PRKN: variants seen among roughly 807,000 people sequenced by gnomAD.
PRKN encodes E3 ubiquitin-protein ligase parkin.
Under a neutral mutation model 59.5 loss-of-function variants are expected in PRKN, and 56 were observed. The ratio of observed to expected loss-of-function variants is 0.94; its 90% CI spans 0.76 to 1.18. The LOEUF is 1.18. Ranked by LOEUF, PRKN falls within the 50% of genes most tolerant of loss-of-function variation. PRKN has a pLI of 0.00. For missense variants in PRKN, 657 were observed against 596.4 expected (o/e 1.10, Z -1.06); for synonymous variants, 250 against 222.1 (o/e 1.13, Z -1.12).
chr6:162,594,660 T>C (rs905838481), intron 1 of PRKN, among the ~76,000 whole-genome samples: 1 of 151,866 alleles, frequency 6.6e-6, no homozygotes, highest in African/African-American at 2.4e-5. Context: ...GAAATGAATA[T>C]GTCATCCAAG....
chr6:162,307,952 G>T (rs1160066395), intron 2 of PRKN, among the ~76,000 whole-genome samples: 1 of 152,222 alleles, frequency 6.6e-6, no homozygotes. Context: ...TGAAATATTT[G>T]TCAAGCTGGT....
At chr6:161,884,235 C>T (rs918603075) in intron 6 of PRKN, among the ~76,000 whole-genome samples, 1 of 152,128 alleles carries the variant, frequency 6.6e-6, no homozygotes. Context: ...TTTTTATGTA[C>T]ATTAGCATGT....
At chr6:162,396,437 G>A (rs1274342434) in intron 2 of PRKN, among the ~76,000 whole-genome samples, 1 of 152,016 alleles carries the variant, frequency 6.6e-6, no homozygotes, top group Non-Finnish European at 1.5e-5. Context: ...AAGGTGGAAC[G>A]ATGGGTATCA....
intron 7 of PRKN, among the ~76,000 whole-genome samples, chr6:161,681,572 T>C (rs895777023): frequency 3.3e-5 from 5 of 152,206 alleles, no homozygotes; most frequent in African/African-American, 1.2e-4. Flanking sequence ...CTCATTTCTG[T>C]ATTTATTTGA....
At chr6:161,738,457 G>T (rs1788056572) in intron 7 of PRKN, among the ~76,000 whole-genome samples, 1 of 152,150 alleles carries the variant, frequency 6.6e-6, no homozygotes, top group Non-Finnish European at 1.5e-5. Flanking sequence ...TCACTGAAAT[G>T]GACCTAATAT....
intron 1 of PRKN, among the ~76,000 whole-genome samples, chr6:162,692,979 C>A (rs553451608): frequency 2.6e-5 from 4 of 152,166 alleles, no homozygotes; most frequent in South Asian, 4.2e-4. Flanking sequence ...TATCGAACCC[C>A]TTAAGTTAAA....
At chr6:161,779,522 G>A (rs2128205428) in intron 7 of PRKN, among the ~76,000 whole-genome samples, 1 of 130,016 alleles carries the variant, frequency 7.7e-6, no homozygotes, top group East Asian at 2.4e-4. Context: ...GTGGCTCACT[G>A]CAACTTCCAT....
chr6:162,326,751 C>G (rs765405745), intron 2 of PRKN, among the ~76,000 whole-genome samples: 1 of 152,098 alleles, frequency 6.6e-6, no homozygotes, highest in Non-Finnish European at 1.5e-5. Flanking sequence ...ATTTACTGAA[C>G]TTAGGAAGAA....
At chr6:162,394,787 A>G (rs557306474) in intron 2 of PRKN, among the ~76,000 whole-genome samples, 107 of 152,342 alleles carry the variant, frequency 7.0e-4, no homozygotes, top group African/African-American at 2.5e-3. Context: ...AGAGCTCATC[A>G]CTTAAGTGAA....
At chr6:161,351,230 T>G (rs540342993) in intron 11 of PRKN, among the ~76,000 whole-genome samples, 5 of 146,078 alleles carry the variant, frequency 3.4e-5, no homozygotes, top group South Asian at 4.2e-4. Flanking sequence ...TTTAAATATA[T>G]TTTGATTTAT....
rs78071928 is a variant in PRKN at position 162,454,168 on chromosome 6, T to C, written c.8-10695A>G. On this transcript the variant is annotated intron_variant, in intron 1 of 11. Transcript: ENST00000366898. ...GGCACATTTTAAGTTTCAGCAATTATTGACTCTTAACTTCAGGTCCAACAT... is the reference window on the plus strand; with the variant it reads ...GGCACATTTTAAGTTTCAGCAATTACTGACTCTTAACTTCAGGTCCAACAT... Among the ~76,000 whole-genome samples the C allele has an allele frequency of 9.5e-3, 1,453 of 152,346 alleles. 27 individuals are homozygous for C. Among genetic ancestry groups the C allele is most frequent in the South Asian group, 0.029 (141 of 4,832 alleles).
chr6:162,097,771 G>T (rs1252094146), intron 4 of PRKN, among the ~76,000 whole-genome samples: 1 of 152,146 alleles, frequency 6.6e-6, no homozygotes, highest in Non-Finnish European at 1.5e-5. Flanking sequence ...AATACACACT[G>T]CTTAGAATTT....
Position 161,377,281 on chromosome 6 carries a change from G to A in PRKN, c.1167+9513C>T, listed in dbSNP as rs192007550. 2.6e-4 allele frequency among the ~76,000 whole-genome samples: 40 copies of A among 152,350 alleles called. No individual in the cohort carries two copies. Among genetic ancestry groups the A allele is most frequent in the African/African-American group, 9.4e-4 (39 of 41,596 alleles). ...CATAAGACAGAAGTGGGGCATCTAG[G>A]CCCAGGCCCAAGCAGGCCCACGGGG... On this transcript the variant is annotated intron_variant, in intron 10 of 11. Coordinates refer to ENST00000366898, the MANE Select transcript of PRKN (RefSeq NM_004562.3). The surrounding 1 kb of genome is among the most constrained non-coding windows in gnomAD (Gnocchi z 4.2).
At chr6:161,935,105 C>A (rs1779305143) in intron 6 of PRKN, among the ~76,000 whole-genome samples, 1 of 89,446 alleles carries the variant, frequency 1.1e-5, no homozygotes, top group South Asian at 3.5e-4. Context: ...GTCTCTGGTG[C>A]CCTTTCTGCC....
At chr6:161,849,013 G>A (rs1793313302) in intron 6 of PRKN, among the ~76,000 whole-genome samples, 1 of 152,204 alleles carries the variant, frequency 6.6e-6, no homozygotes, top group Non-Finnish European at 1.5e-5. Context: ...AAAGGAAAAT[G>A]ACTCCTCAGT....
rs184369349 is a variant in PRKN, at chr6:162,071,848, C to G, written c.535-17674G>C. Among the ~76,000 whole-genome samples, 922 of 152,098 alleles carry G rather than the reference C, an allele frequency of 6.1e-3. 5 individuals are homozygous for G. The highest frequency in any genetic ancestry group is 0.031 in the Middle Eastern group (9 of 294). ...CTGACTTCAAGTGATCCACCTATGT[C>G]GGCCTCCCAAAGTACTAGGATTACA... On this transcript the variant is annotated intron_variant, in intron 4 of 11. Coordinates refer to ENST00000366898, the MANE Select transcript of PRKN (RefSeq NM_004562.3).
At chr6:162,635,862 G>C (rs1777690976) in intron 1 of PRKN, among the ~76,000 whole-genome samples, 1 of 152,022 alleles carries the variant, frequency 6.6e-6, no homozygotes, top group Admixed American at 6.6e-5. Context: ...TGGTAGCCTG[G>C]TCTATTTTGT....
intron 9 of PRKN, among the ~76,000 whole-genome samples, chr6:161,455,820 G>A (rs893630121): frequency 2.1e-5 from 3 of 143,628 alleles, no homozygotes; most frequent in African/African-American, 5.2e-5. Flanking sequence ...CTGAGATCGC[G>A]CCACTGCACT....
chr6:161,842,839 C>T (rs1474490355), intron 6 of PRKN, among the ~76,000 whole-genome samples: 4 of 152,166 alleles, frequency 2.6e-5, no homozygotes, highest in Admixed American at 2.6e-4. Context: ...TGAGCCACTG[C>T]ACCCCGCCTC....
Sources: allele counts gnomAD v4.1 joint callset (sites outside exome capture counted in the v4.1 genomes callset), GRCh38; gene constraint gnomAD v4.1.1; non-coding constraint Gnocchi (gnomAD v3.1); transcripts MANE v1.5; gene names NCBI Gene and HGNC (gene_info 2026-07-23, HGNC 2026-07-21).